The following LRRC4C variants were observed in gnomAD, a reference collection of about 807,000 sequenced individuals.
LRRC4C encodes the protein leucine-rich repeat-containing protein 4C.
A neutral mutation model predicts 33.6 loss-of-function variants in LRRC4C; 5 were observed. The observed-to-expected ratio is 0.15, with a 90% CI of 0.08 to 0.31. The LOEUF (loss-of-function observed/expected upper bound fraction) is 0.31, where lower values mean the gene tolerates loss of function less well. Ranked by LOEUF, LRRC4C falls within the 10% of genes least tolerant of loss-of-function variation. The pLI, the probability that LRRC4C is intolerant of heterozygous loss-of-function variation, is 1.00. For missense variants in LRRC4C, 560 were observed against 796.7 expected (o/e 0.70, Z 3.58); for synonymous variants, 329 against 302.0 (o/e 1.09, Z -0.93).
At chr11:40,777,711 G>T (rs1284305926) in intron 2 of LRRC4C, among the ~76,000 whole-genome samples, 1 of 149,934 alleles carries the variant, frequency 6.7e-6, no homozygotes, top group African/African-American at 2.5e-5. Context: ...TTTTTGAGAT[G>T]GAGTCTTTCT....
At chr11:41,159,303 A>G (rs1944363941) in intron 1 of LRRC4C, among the ~76,000 whole-genome samples, 1 of 152,110 alleles carries the variant, frequency 6.6e-6, no homozygotes, top group Non-Finnish European at 1.5e-5. Context: ...AAAAAAATAA[A>G]TACATAAAAA....
rs879896475 is a variant in LRRC4C at position 41,150,807 on chromosome 11, AAAATAAAATAAAAT to A, written c.-495-217098_-495-217085del. ...ATAAATAAATAAAATAAAATAAAAT[AAAATAAAATAAAAT>A]AAATAAAGTAACATGATTGTATTAC... On this transcript the variant is annotated intron_variant, in intron 1 of 6. Coordinates refer to ENST00000528697, the MANE Select transcript of LRRC4C (RefSeq NM_001258419.2). 1.3e-3 allele frequency among the ~76,000 whole-genome samples: 203 copies of A among 151,254 alleles called. 2 individuals carry two copies. The highest frequency in any genetic ancestry group is 2.0e-3 in the Non-Finnish European group (134 of 67,798).
intron 1 of LRRC4C, among the ~76,000 whole-genome samples, chr11:41,148,739 A>C (rs1000318827): frequency 2.0e-5 from 3 of 152,066 alleles, no homozygotes; most frequent in African/African-American, 7.2e-5. Context: ...TTCACATCAC[A>C]TACAAGCAGA....
chr11:40,609,376 C>T (rs1960962058), intron 3 of LRRC4C, among the ~76,000 whole-genome samples: 1 of 151,466 alleles, frequency 6.6e-6, no homozygotes, highest in South Asian at 2.1e-4. Context: ...AAATAGAAAC[C>T]TAATATACCA....
intron 1 of LRRC4C, among the ~76,000 whole-genome samples, chr11:41,179,945 A>G (rs971789062): frequency 8.5e-5 from 13 of 152,154 alleles, no homozygotes; most frequent in African/African-American, 2.9e-4. Context: ...TACATTAATC[A>G]CTATGGTAAG....
intron 1 of LRRC4C, among the ~76,000 whole-genome samples, chr11:41,420,759 G>T (rs1304379684): frequency 1.3e-5 from 2 of 151,934 alleles, no homozygotes; most frequent in Non-Finnish European, 2.9e-5. Flanking sequence ...CAGATTAAGA[G>T]ATTCTCTAAA....
intron 1 of LRRC4C, among the ~76,000 whole-genome samples, chr11:41,341,332 G>T (rs149083439): frequency 4.8e-4 from 73 of 152,232 alleles, no homozygotes; most frequent in African/African-American, 1.7e-3. Context: ...GAGAGAAGAA[G>T]AATAAAATGA....
intron 1 of LRRC4C, among the ~76,000 whole-genome samples, chr11:41,306,015 T>C (rs1418725592): frequency 1.6e-5 from 2 of 128,052 alleles, no homozygotes; most frequent in African/African-American, 5.5e-5. Flanking sequence ...CCCTTATTTC[T>C]TTCTCTAAAA....
intron 3 of LRRC4C, among the ~76,000 whole-genome samples, chr11:40,465,522 C>A (rs189253007): frequency 1.3e-5 from 2 of 151,844 alleles, no homozygotes; most frequent in East Asian, 3.9e-4. Flanking sequence ...AGCCTACAGA[C>A]TGGGAGAAAC....
At chr11:40,521,031 A>G (rs566785999) in intron 3 of LRRC4C, among the ~76,000 whole-genome samples, 1 of 152,206 alleles carries the variant, frequency 6.6e-6, no homozygotes, top group South Asian at 2.1e-4. Flanking sequence ...ACAAATGCAT[A>G]TGCAGGAATG....
intron 3 of LRRC4C, among the ~76,000 whole-genome samples, chr11:40,431,001 G>A (rs1950903284): frequency 6.8e-6 from 1 of 147,456 alleles, no homozygotes; most frequent in African/African-American, 2.5e-5. Context: ...AATGCTAGAT[G>A]AGGAGTTAGT....
intron 3 of LRRC4C, among the ~76,000 whole-genome samples, chr11:40,645,105 A>C (rs1013637274): frequency 4.6e-5 from 7 of 152,310 alleles, no homozygotes; most frequent in African/African-American, 1.7e-4. Flanking sequence ...AATACCATTC[A>C]GTTTATAGCC....
chr11:40,392,432 T>C (rs968152594), intron 3 of LRRC4C, among the ~76,000 whole-genome samples: 1 of 152,142 alleles, frequency 6.6e-6, no homozygotes, highest in African/African-American at 2.4e-5. Context: ...AGGGGCCATA[T>C]GAGGAACTCT....
intron 3 of LRRC4C, among the ~76,000 whole-genome samples, chr11:40,528,968 G>C (rs943744090): frequency 6.6e-6 from 1 of 152,064 alleles, no homozygotes; most frequent in African/African-American, 2.4e-5. Context: ...CAGAATATAG[G>C]TTACCAGTGT....
intron 5 of LRRC4C, among the ~76,000 whole-genome samples, chr11:40,158,558 T>C (rs1049066167): frequency 1.1e-4 from 16 of 143,760 alleles, no homozygotes; most frequent in Non-Finnish European, 2.3e-4. Context: ...ATAGCATTAT[T>C]AGAGCTTAAA....
At chr11:41,445,642 A>G (rs1475720323) in intron 1 of LRRC4C, among the ~76,000 whole-genome samples, 1 of 152,158 alleles carries the variant, frequency 6.6e-6, no homozygotes, top group Non-Finnish European at 1.5e-5. Flanking sequence ...TATTGGTTGC[A>G]TAATGTTGAA....
chr11:40,472,828 C>G (rs1184402655), intron 3 of LRRC4C, among the ~76,000 whole-genome samples: 1 of 152,096 alleles, frequency 6.6e-6, no homozygotes, highest in Non-Finnish European at 1.5e-5. Flanking sequence ...CTATAAACAC[C>G]TCTACACAAA....
At position 40,323,177 on chromosome 11, in the gene LRRC4C, G is replaced by A. The variant is rs189527481; in HGVS notation, c.-269-3456C>T. Among the ~76,000 whole-genome samples the A allele has an allele frequency of 2.4e-3, 361 of 152,228 alleles. 1 individual carries two copies. Among genetic ancestry groups the A allele is most frequent in the African/African-American group, 5.9e-3 (246 of 41,542 alleles). ...TTCTCATAGCTTCTCATAGCTAAAC[G>A]TTGTAACTAAAACAAATGATTTTAC... On this transcript the variant is annotated intron_variant, in intron 3 of 6. Coordinates refer to ENST00000528697, the MANE Select transcript of LRRC4C (RefSeq NM_001258419.2).
intron 2 of LRRC4C, among the ~76,000 whole-genome samples, chr11:40,911,199 T>C (rs550705846): frequency 4.9e-4 from 75 of 152,236 alleles, no homozygotes; most frequent in African/African-American, 1.7e-3. Flanking sequence ...AAGAGAGTAG[T>C]GATTCTCCCA....
Sources: allele counts gnomAD v4.1 joint callset (sites outside exome capture counted in the v4.1 genomes callset), GRCh38; gene constraint gnomAD v4.1.1; transcripts MANE v1.5; gene names NCBI Gene and HGNC (gene_info 2026-07-23, HGNC 2026-07-21).